Variants in NAALADL2 observed in about 807,000 individuals in gnomAD.
NAALADL2 encodes the protein N-acetylated alpha-linked acidic dipeptidase like 2.
Under a neutral mutation model 87.2 loss-of-function variants are expected in NAALADL2, and 76 were observed. That is an observed-to-expected ratio of 0.87 (90% CI 0.72 to 1.05). NAALADL2 has a LOEUF of 1.05. Among genes scored for constraint, NAALADL2 ranks in the 50% least tolerant of loss-of-function variants. The pLI, the probability that NAALADL2 is intolerant of heterozygous loss-of-function variation, is 0.00. For synonymous variants in NAALADL2, 354 were observed against 331.0 expected, an observed-to-expected ratio of 1.07 and a Z score of -0.75; for missense variants, 1,089 against 945.8, an observed-to-expected ratio of 1.15 and a Z score of -1.99.
intron 1 of NAALADL2, among the ~76,000 whole-genome samples, chr3:174,465,371 C>T (rs1716475004): frequency 6.6e-6 from 1 of 152,108 alleles, no homozygotes; most frequent in African/African-American, 2.4e-5. Flanking sequence ...AAGGCCAGCC[C>T]GGTATCTGTC....
chr3:175,752,308 G>A (rs181622168), intron 12 of NAALADL2, among the ~76,000 whole-genome samples: 248 of 152,132 alleles, frequency 1.6e-3, no homozygotes, highest in African/African-American at 5.7e-3. Context: ...TGATTAAATG[G>A]TACAACTGGC....
At chr3:174,563,573 TTAA>T (rs1405253190) in intron 2 of NAALADL2, among the ~76,000 whole-genome samples, 7 of 151,850 alleles carry the variant, frequency 4.6e-5, no homozygotes, top group African/African-American at 1.7e-4. Context: ...AGATACTAAG[TTAA>T]TGATGTTTTA....
chr3:175,632,861 C>T (rs1727989626), intron 11 of NAALADL2, among the ~76,000 whole-genome samples: 1 of 151,972 alleles, frequency 6.6e-6, no homozygotes, highest in Non-Finnish European at 1.5e-5. Context: ...ATAGTAATCA[C>T]TAGTCACATG....
At chr3:174,441,070 A>G (rs186557963) in intron 1 of NAALADL2, 1 of 152,142 alleles carries the variant, frequency 6.6e-6, no homozygotes, top group African/African-American at 2.4e-5. Context: ...TTTTGCCAAA[A>G]CAAGCTCCGC....
At chr3:175,179,116 C>T (rs922252526) in intron 2 of NAALADL2, among the ~76,000 whole-genome samples, 15 of 152,078 alleles carry the variant, frequency 9.9e-5, no homozygotes, top group African/African-American at 2.6e-4. Flanking sequence ...CTATGATCCA[C>T]GAGAAGTTAT....
At chr3:174,927,749 G>A (rs1198712570) in intron 1 of NAALADL2, among the ~76,000 whole-genome samples, 1 of 152,164 alleles carries the variant, frequency 6.6e-6, no homozygotes, top group Admixed American at 6.6e-5. Context: ...GGCCACAAGA[G>A]AAAGCAGGAA....
intron 10 of NAALADL2, among the ~76,000 whole-genome samples, chr3:175,600,420 T>C (rs1582572458): frequency 6.6e-6 from 1 of 151,708 alleles, no homozygotes; most frequent in Middle Eastern, 3.4e-3. Context: ...AAAACCTACA[T>C]ATGTTAGCTT....
rs964008613 is a variant in NAALADL2 at position 175,210,904 on chromosome 3, GATTT to G, written c.546-23015_546-23012del. 4.6e-5 allele frequency among the ~76,000 whole-genome samples: 7 copies of G among 151,762 alleles called. No homozygotes were observed. In the East Asian group the frequency reaches 7.7e-4, roughly 17 times the overall value. On this transcript the variant is annotated intron_variant, in intron 2 of 13. Transcript: ENST00000454872. ...TACTATGATTATAGAGGCTGAGCAGGATTTATTTATTTATTAATTGACATTTTTC... is the reference window on the plus strand; with the variant it reads ...TACTATGATTATAGAGGCTGAGCAGGATTTATTTATTAATTGACATTTTTC...
intron 2 of NAALADL2, among the ~76,000 whole-genome samples, chr3:175,212,945 G>A (rs976627830): frequency 2.0e-5 from 3 of 152,156 alleles, no homozygotes; most frequent in African/African-American, 7.2e-5. Flanking sequence ...TCTGGAGTGG[G>A]TGAGTGGAGC....
intron 3 of NAALADL2, 150 bp from the exon 4 acceptor site, chr3:175,256,260 GT>G (rs1749921512): frequency 4.9e-6 from 3 of 614,914 alleles, no homozygotes; most frequent in Non-Finnish European, 5.0e-6. Flanking sequence ...GAAAGGTCAT[GT>G]TTATGGTAAT....
At chr3:174,876,637 C>T (rs1728544672) in intron 1 of NAALADL2, among the ~76,000 whole-genome samples, 1 of 152,126 alleles carries the variant, frequency 6.6e-6, no homozygotes, top group African/African-American at 2.4e-5. Context: ...TCCTCATTTA[C>T]GAGGTACCAC....
chr3:175,332,094 G>C (rs1188017535), intron 5 of NAALADL2, among the ~76,000 whole-genome samples: 1 of 152,078 alleles, frequency 6.6e-6, no homozygotes, highest in African/African-American at 2.4e-5. Flanking sequence ...CAAACAAATG[G>C]AAAGACATCT....
At chr3:174,916,271 T>C (rs1046121633) in intron 1 of NAALADL2, among the ~76,000 whole-genome samples, 5 of 152,116 alleles carry the variant, frequency 3.3e-5, no homozygotes, top group African/African-American at 1.2e-4. Context: ...GGTGGGAATG[T>C]AAATTAGTAC....
chr3:174,787,609 A>ACATATATATATATATACAC, intron 3 of NAALADL2, among the ~76,000 whole-genome samples: 1 of 112,026 alleles, frequency 8.9e-6, no homozygotes, highest in African/African-American at 3.0e-5. Context: ...ATATATATAT[A>ACATATATATATATATACAC]TATATATATA....
intron 9 of NAALADL2, among the ~76,000 whole-genome samples, chr3:175,527,202 G>C (rs1733533761): frequency 6.6e-6 from 1 of 152,162 alleles, no homozygotes; most frequent in Non-Finnish European, 1.5e-5. Context: ...ATCATGGTTA[G>C]AGCTTTGCTT....
At chr3:175,487,417 C>A in intron 9 of NAALADL2, 1 of 428,350 alleles carries the variant, frequency 2.3e-6, no homozygotes, top group South Asian at 1.7e-5. Context: ...AAATGTGTAT[C>A]TGGTACTTAG....
At chr3:174,689,625 G>T (rs115775910) in intron 2 of NAALADL2, among the ~76,000 whole-genome samples, 1 of 152,038 alleles carries the variant, frequency 6.6e-6, no homozygotes, top group African/African-American at 2.4e-5. Flanking sequence ...TTTGCGAAGG[G>T]CTCTTCTAAT....
intron 5 of NAALADL2, among the ~76,000 whole-genome samples, chr3:175,424,082 T>C (rs1223711132): frequency 6.6e-6 from 1 of 152,216 alleles, no homozygotes; most frequent in Non-Finnish European, 1.5e-5. Flanking sequence ...AAGTGTCTGT[T>C]CATATCCTTC....
chr3:174,504,717 T>C (rs1419773577), intron 1 of NAALADL2, among the ~76,000 whole-genome samples: 1 of 152,124 alleles, frequency 6.6e-6, no homozygotes, highest in East Asian at 1.9e-4. Context: ...TAGATACATG[T>C]CACCAGACCT....
Sources: allele counts gnomAD v4.1 joint callset (sites outside exome capture counted in the v4.1 genomes callset), GRCh38; gene constraint gnomAD v4.1.1; transcripts MANE v1.5; gene names NCBI Gene and HGNC (gene_info 2026-07-23, HGNC 2026-07-21).